Variants in CACNA1D observed in about 807,000 individuals in gnomAD.
CACNA1D encodes the protein voltage-dependent L-type calcium channel subunit alpha-1D.
In CACNA1D, 55 loss-of-function variants were observed where a neutral mutation model predicts 257.1. The ratio of observed to expected loss-of-function variants is 0.21; its 90% CI spans 0.17 to 0.27. The LOEUF is 0.27. Among genes scored for constraint, CACNA1D ranks in the 10% least tolerant of loss-of-function variants. The pLI is 1.00. For missense variants in CACNA1D, 1,876 were observed against 2,784.0 expected (o/e 0.67, Z 7.34); for synonymous variants, 980 against 1,014.9 (o/e 0.97, Z 0.65).
chr3:53,707,805 A>T (rs60268336), intron 9 of CACNA1D, among the ~76,000 whole-genome samples: 3 of 151,872 alleles, frequency 2.0e-5, no homozygotes, highest in Non-Finnish European at 4.4e-5. Flanking sequence ...AAAAAAAAAA[A>T]GCATTAAAAA....
intron 3 of CACNA1D, among the ~76,000 whole-genome samples, chr3:53,537,121 A>G (rs1043059439): frequency 1.3e-4 from 20 of 152,370 alleles, no homozygotes; most frequent in African/African-American, 4.6e-4. Context: ...TCTCTCTCCT[A>G]CATTGTCCTT....
intron 8 of CACNA1D, among the ~76,000 whole-genome samples, chr3:53,701,124 T>TTTGTTG (rs200488217): frequency 6.6e-6 from 1 of 150,852 alleles, no homozygotes; most frequent in East Asian, 2.0e-4. Flanking sequence ...TGGGGTTAGT[T>TTTGTTG]TTGTTGTTGT....
At chr3:53,779,176 G>T (rs1021238215) in intron 37 of CACNA1D, among the ~76,000 whole-genome samples, 1 of 152,132 alleles carries the variant, frequency 6.6e-6, no homozygotes. Flanking sequence ...TGGAATGGAG[G>T]TCTGACCCTA....
chr3:53,504,937 G>A (rs2090762609), intron 3 of CACNA1D, among the ~76,000 whole-genome samples: 1 of 151,898 alleles, frequency 6.6e-6, no homozygotes, highest in African/African-American at 2.4e-5. Flanking sequence ...TGTCCAGAAT[G>A]GAGATCTTCA....
intron 3 of CACNA1D, among the ~76,000 whole-genome samples, chr3:53,637,641 C>T (rs556491582): frequency 6.6e-6 from 1 of 152,272 alleles, no homozygotes; most frequent in South Asian, 2.1e-4. Context: ...GGTGACGGAG[C>T]CCTCTCTCTA....
chr3:53,771,879 C>T (rs1226813648), intron 32 of CACNA1D, among the ~76,000 whole-genome samples: 1 of 152,232 alleles, frequency 6.6e-6, no homozygotes, highest in African/African-American at 2.4e-5. Context: ...TGGGACCCTG[C>T]TGAGCAGTCC....
chr3:53,526,634 A>G (rs1386582896), intron 3 of CACNA1D, among the ~76,000 whole-genome samples: 1 of 152,240 alleles, frequency 6.6e-6, no homozygotes, highest in Non-Finnish European at 1.5e-5. Context: ...CCAATTGGCT[A>G]CGTTACACAG....
At position 53,703,658 on chromosome 3, in the gene CACNA1D, A is replaced by T. The variant is rs17053365; in HGVS notation, c.1390+848A>T. On this transcript the variant is annotated intron_variant, in intron 9 of 47. Coordinates refer to ENST00000350061, the MANE Select transcript of CACNA1D (RefSeq NM_001128840.3). ...AGGACCAAGAACGTACTTCAAGTGCACATGTCCATTGAGAGGCCTGGGGAC... is the reference window on the plus strand; with the variant it reads ...AGGACCAAGAACGTACTTCAAGTGCTCATGTCCATTGAGAGGCCTGGGGAC... Among the ~76,000 whole-genome samples, 781 of 152,346 alleles carry T rather than the reference A, an allele frequency of 5.1e-3. 7 individuals carry two copies. The highest frequency in any genetic ancestry group is 0.018 in the African/African-American group (748 of 41,568).
At chr3:53,562,315 A>G (rs939300001) in intron 3 of CACNA1D, among the ~76,000 whole-genome samples, 2 of 152,208 alleles carry the variant, frequency 1.3e-5, no homozygotes, top group African/African-American at 2.4e-5. Context: ...AATAGTAGTA[A>G]TGATAATAAA....
rs1011372513 is a variant in CACNA1D at position 53,668,830 on chromosome 3, T to G, written c.1116+2295T>G. Reference sequence around the variant, plus strand: ...CTTTATTCTAATCAGACTTCATTTATGGACCCTGGAATTTGAATTTTGTAT... The same window carrying G: ...CTTTATTCTAATCAGACTTCATTTAGGGACCCTGGAATTTGAATTTTGTAT... On this transcript the variant is annotated intron_variant, in intron 7 of 47. Transcript: ENST00000350061. Among the ~76,000 whole-genome samples, 14 of 152,378 alleles carry G rather than the reference T, an allele frequency of 9.2e-5. No homozygotes were observed. In the South Asian group the frequency reaches 2.7e-3, roughly 29 times the overall value.
At chr3:53,607,273 C>A (rs547023095) in intron 3 of CACNA1D, among the ~76,000 whole-genome samples, 1 of 152,102 alleles carries the variant, frequency 6.6e-6, no homozygotes, top group Non-Finnish European at 1.5e-5. Flanking sequence ...CACCTGTGAA[C>A]GTATTATGTT....
chr3:53,804,692 G>A (rs1467461380), intron 44 of CACNA1D, among the ~76,000 whole-genome samples: 2 of 152,204 alleles, frequency 1.3e-5, no homozygotes, highest in Non-Finnish European at 2.9e-5. Context: ...GGGCTCTCAC[G>A]GAGGAAATGA....
intron 3 of CACNA1D, among the ~76,000 whole-genome samples, chr3:53,602,735 G>T (rs2093459757): frequency 6.6e-6 from 1 of 152,140 alleles, no homozygotes; most frequent in African/African-American, 2.4e-5. Flanking sequence ...ATAACCTGTT[G>T]GCCGTTTGTC....
rs371798821 is a variant in CACNA1D, at chr3:53,664,082, C to T, written c.767-1578C>T. On this transcript the variant is annotated intron_variant, in intron 5 of 47. Coordinates refer to ENST00000350061, the MANE Select transcript of CACNA1D (RefSeq NM_001128840.3). ...CACAAGGGCAGAAGTAATCATTTCT[C>T]ATGTGCCTGTCTCTCAAGACCACAT... is the stretch of plus-strand genomic sequence containing the variant. Among the ~76,000 whole-genome samples, 3 of 152,188 alleles carry T rather than the reference C, an allele frequency of 2.0e-5. No individual in the cohort carries two copies. The South Asian group carries it at 6.2e-4, about 32-fold the overall frequency.
intron 45 of CACNA1D, among the ~76,000 whole-genome samples, chr3:53,806,441 C>T (rs942536981): frequency 2.8e-4 from 43 of 152,164 alleles, no homozygotes; most frequent in Non-Finnish European, 3.7e-4. Context: ...CAGGAGCTGG[C>T]GGATCTGGGT....
chr3:53,536,456 A>G (rs541060672), intron 3 of CACNA1D, among the ~76,000 whole-genome samples: 1 of 152,212 alleles, frequency 6.6e-6, no homozygotes, highest in African/African-American at 2.4e-5. Context: ...CATTGTTGAA[A>G]TGCATGGGAA....
chr3:53,695,398 T>C (rs987229830), intron 8 of CACNA1D, among the ~76,000 whole-genome samples: 2 of 152,174 alleles, frequency 1.3e-5, no homozygotes, highest in African/African-American at 4.8e-5. Context: ...TTCCTTCATA[T>C]GGCAGCCCTT....
chr3:53,713,047 G>A (rs1452561299), intron 9 of CACNA1D, among the ~76,000 whole-genome samples: 1 of 152,216 alleles, frequency 6.6e-6, no homozygotes, highest in East Asian at 1.9e-4. Flanking sequence ...CAGAGCACTT[G>A]GACTCAGTTC....
At chr3:53,710,156 G>T (rs1002245556) in intron 9 of CACNA1D, among the ~76,000 whole-genome samples, 15 of 151,880 alleles carry the variant, frequency 9.9e-5, no homozygotes, top group African/African-American at 3.6e-4. Flanking sequence ...TGGGTTAGCT[G>T]GTTGTTGATT....
Sources: gnomAD v4.1 joint callset for allele counts (sites outside exome capture counted in the v4.1 genomes callset) on GRCh38, gnomAD v4.1.1 for gene constraint, MANE v1.5 for transcripts, NCBI Gene and HGNC (gene_info 2026-07-23, HGNC 2026-07-21) for gene names.